The following SRGAP1 variants were observed in gnomAD, a reference collection of about 807,000 sequenced individuals.
SRGAP1 encodes SLIT-ROBO Rho GTPase activating protein 1.
A neutral mutation model predicts 121.9 loss-of-function variants in SRGAP1; 43 were observed. That is an observed-to-expected ratio of 0.35 (90% CI 0.28 to 0.46). The LOEUF is 0.46. Among genes scored for constraint, SRGAP1 ranks in the 20% least tolerant of loss-of-function variants. SRGAP1 has a pLI of 1.00. For synonymous variants in SRGAP1, 447 were observed against 485.4 expected (o/e 0.92, Z 1.04); for missense variants, 1,102 against 1,350.9 (o/e 0.82, Z 2.89).
At chr12:63,858,978 C>T (rs947990488) in intron 1 of SRGAP1, among the ~76,000 whole-genome samples, 1 of 152,222 alleles carries the variant, frequency 6.6e-6, no homozygotes, top group African/African-American at 2.4e-5. Context: ...GCTGGGATTA[C>T]AGGCGTGAGC....
At chr12:64,065,087 C>T in intron 7 of SRGAP1, 31 bp from the exon 8 acceptor site, 1 of 1,570,208 alleles carries the variant, frequency 6.4e-7, no homozygotes, top group Non-Finnish European at 8.7e-7. Flanking sequence ...TGATGGTGCC[C>T]TGTTGTAACT....
At chr12:64,109,723 G>T (rs1029059531) in intron 16 of SRGAP1, among the ~76,000 whole-genome samples, 3 of 152,156 alleles carry the variant, frequency 2.0e-5, no homozygotes, top group Admixed American at 6.5e-5. Context: ...TGGAAACAAA[G>T]AAATGCAGGG....
chr12:64,098,391 T>C (rs2036200040), intron 15 of SRGAP1, among the ~76,000 whole-genome samples: 2 of 151,970 alleles, frequency 1.3e-5, no homozygotes, highest in South Asian at 4.2e-4. Flanking sequence ...GTTGCTTGCT[T>C]TCTCCCCTTT....
Position 64,151,904 on chromosome 12 carries a change from C to CA in SRGAP1, c.*9233dup, listed in dbSNP as rs1482392256. Reference sequence around the variant, plus strand: ...CAAAAAATATTCTGCAGCCCCTCTACATCCTCCAATCTGTTCCGCTGCCTA... The same window carrying CA: ...CAAAAAATATTCTGCAGCCCCTCTACAATCCTCCAATCTGTTCCGCTGCCTA... On this transcript the variant is annotated 3_prime_UTR_variant, in exon 22 of 22. Transcript: ENST00000355086. 3 of 152,236 alleles carry CA rather than the reference C, an allele frequency of 2.0e-5. No homozygotes were observed. The highest frequency in any genetic ancestry group is 7.2e-5 in the African/African-American group (3 of 41,436). 9.4% of individuals were successfully genotyped at this position (152,236 alleles called of 1,614,324 possible). A position where few individuals can be genotyped will look rare whatever the true frequency, so the allele number is the denominator to read the frequency against.
intron 1 of SRGAP1, among the ~76,000 whole-genome samples, chr12:63,939,335 A>G (rs1263119153): frequency 2.0e-5 from 3 of 152,122 alleles, no homozygotes; most frequent in Non-Finnish European, 4.4e-5. Context: ...AGCAAGTTCC[A>G]GTGAGACTAT....
At chr12:63,849,228 A>C (rs1302047666) in intron 1 of SRGAP1, among the ~76,000 whole-genome samples, 1 of 152,252 alleles carries the variant, frequency 6.6e-6, no homozygotes, top group Non-Finnish European at 1.5e-5. Flanking sequence ...TCTGGCAAAT[A>C]GCGTAGCAGT....
At chr12:63,913,191 C>CTTTTTTTTTTTT (rs1565947652) in intron 1 of SRGAP1, among the ~76,000 whole-genome samples, 1 of 111,810 alleles carries the variant, frequency 8.9e-6, no homozygotes. Context: ...CTGGTAAATC[C>CTTTTTTTTTTTT]TTCTTTTTTT....
Position 63,977,347 on chromosome 12 carries a change from G to A in SRGAP1, c.68-6600G>A, listed in dbSNP as rs2033121178. Among the ~76,000 whole-genome samples the A allele has an allele frequency of 2.6e-5, 4 of 152,184 alleles. No homozygotes were observed. In the South Asian group the frequency reaches 8.3e-4, roughly 31 times the overall value. ...TATCATAAGGAAATTCTGACCAAAT[G>A]AGAATGTGAAATAACAGAGATGATT... On this transcript the variant is annotated intron_variant, in intron 1 of 21. Transcript: ENST00000355086.
At chr12:63,954,278 G>C (rs1410572012) in intron 1 of SRGAP1, among the ~76,000 whole-genome samples, 2 of 152,082 alleles carry the variant, frequency 1.3e-5, no homozygotes, top group African/African-American at 2.4e-5. Context: ...CTAGCATTTT[G>C]TTTACATATT....
At chr12:63,853,022 A>T (rs17099874) in intron 1 of SRGAP1, among the ~76,000 whole-genome samples, 7 of 143,836 alleles carry the variant, frequency 4.9e-5, no homozygotes, top group South Asian at 2.2e-4. Flanking sequence ...TTACCGCAAA[A>T]TTTTTTTTTT....
Position 64,111,986 on chromosome 12 carries a change from G to A in SRGAP1, c.2144G>A (p.Cys715Tyr). The A allele has an allele frequency of 1.2e-6, 2 of 1,611,474 alleles. No homozygotes were observed. Among genetic ancestry groups the A allele is most frequent in the Non-Finnish European group, 1.7e-6 (2 of 1,178,268 alleles). ...AAATGTATGGCTGGAGATGACTATT[G>A]GTAAGTCTAAGAATTTTAGTCCTCC... ...YEKCMAGDDY[C>Y]DSPYSEHGTL... Residue 715 changes from cysteine to tyrosine, a missense_variant and splice_region_variant, in exon 17 of 22, where the codon TGC (cysteine) becomes TAC (tyrosine). Cys to Tyr is a radical substitution (Grantham distance 194). Transcript: ENST00000355086.
chr12:63,859,314 C>A (rs1289687238), intron 1 of SRGAP1, among the ~76,000 whole-genome samples: 1 of 151,960 alleles, frequency 6.6e-6, no homozygotes, highest in East Asian at 1.9e-4. Flanking sequence ...TATGCACCAC[C>A]ATGCCTGGCT....
chr12:64,114,042 T>G (rs1452033185), intron 17 of SRGAP1, among the ~76,000 whole-genome samples: 7 of 152,142 alleles, frequency 4.6e-5, no homozygotes, highest in Non-Finnish European at 1.0e-4. Flanking sequence ...TTTTTTAACT[T>G]GAATCATAGT....
rs200869779 is a variant in SRGAP1 at position 63,906,880 on chromosome 12, A to AT, written c.67+62010dup. 9.4e-3 allele frequency among the ~76,000 whole-genome samples: 1,352 copies of AT among 143,246 alleles called. 9 individuals are homozygous for AT. Among genetic ancestry groups the AT allele is most frequent in the African/African-American group, 0.024 (948 of 39,208 alleles). The allele number at this position is 143,246 out of a possible 152,430, so 94.0% of individuals were successfully genotyped here. On this transcript the variant is annotated intron_variant, in intron 1 of 21. Transcript: ENST00000355086. ...CCCACTTTTAATTTTTATTATTTGT[A>AT]TTTTTTTTTTTTTGTGACTGAGTCT...
intron 4 of SRGAP1, among the ~76,000 whole-genome samples, chr12:64,038,374 C>T (rs927113860): frequency 1.4e-4 from 21 of 152,014 alleles, no homozygotes; most frequent in Admixed American, 5.9e-4. Flanking sequence ...GCATCCATGA[C>T]GACCTTGTAA....
intron 12 of SRGAP1, among the ~76,000 whole-genome samples, chr12:64,094,481 A>G (rs1318242547): frequency 6.6e-6 from 1 of 152,204 alleles, no homozygotes; most frequent in African/African-American, 2.4e-5. Context: ...TTATGCATCT[A>G]TAGATATATA....
intron 1 of SRGAP1, among the ~76,000 whole-genome samples, chr12:63,868,158 T>G (rs2136274244): frequency 7.0e-6 from 1 of 143,408 alleles, no homozygotes; most frequent in South Asian, 2.4e-4. Context: ...CTCGGCTCAC[T>G]GCAACCTCCG....
At chr12:64,063,807 A>G (rs1355621912) in intron 7 of SRGAP1, among the ~76,000 whole-genome samples, 6 of 152,162 alleles carry the variant, frequency 3.9e-5, no homozygotes, top group Non-Finnish European at 7.4e-5. Context: ...ATAAAAACTC[A>G]GTCTTAACTT....
intron 1 of SRGAP1, chr12:63,872,051 A>T: frequency 1.3e-6 from 1 of 767,224 alleles, no homozygotes; most frequent in Non-Finnish European, 2.3e-6. Context: ...CCATCTTTGC[A>T]GCAGGGCTGT....
Sources: gnomAD v4.1 joint callset for allele counts (sites outside exome capture counted in the v4.1 genomes callset) on GRCh38, gnomAD v4.1.1 for gene constraint, MANE v1.5 for transcripts, NCBI Gene and HGNC (gene_info 2026-07-23, HGNC 2026-07-21) for gene names.